PBX1: variants seen among roughly 807,000 people sequenced by gnomAD.
PBX1 encodes the protein pre-B-cell leukemia transcription factor 1.
Under a neutral mutation model 53.4 loss-of-function variants are expected in PBX1, and 6 were observed. That is an observed-to-expected ratio of 0.11 (90% confidence interval 0.06 to 0.22). PBX1 has a LOEUF of 0.22. PBX1 is among the 10% of genes least tolerant of loss of function. PBX1 has a pLI of 1.00. For synonymous variants in PBX1, 204 were observed against 212.3 expected, an observed-to-expected ratio of 0.96 and a Z score of 0.34; for missense variants, 251 against 551.4, an observed-to-expected ratio of 0.46 and a Z score of 5.46.
chr1:164,811,621 A>G (rs1669616654), intron 5 of PBX1, among the ~76,000 whole-genome samples: 1 of 152,246 alleles, frequency 6.6e-6, no homozygotes, highest in South Asian at 2.1e-4. Flanking sequence ...TTTCACATTG[A>G]TAAACGCTAG....
intron 2 of PBX1, chr1:164,626,093 A>T: frequency 9.7e-7 from 1 of 1,029,290 alleles, no homozygotes; most frequent in Non-Finnish European, 1.2e-6. Flanking sequence ...GGGAGAAGGC[A>T]AAGGTGAGTG....
At chr1:164,677,917 A>G (rs1346250045) in intron 2 of PBX1, among the ~76,000 whole-genome samples, 5 of 152,298 alleles carry the variant, frequency 3.3e-5, no homozygotes, top group Non-Finnish European at 7.3e-5. Context: ...AATTTTAAGT[A>G]GGTAATTCAC....
intron 2 of PBX1, among the ~76,000 whole-genome samples, chr1:164,569,563 C>CTTTTTTT (rs1653680438): frequency 9.4e-6 from 1 of 106,534 alleles, no homozygotes; most frequent in African/African-American, 3.6e-5. Flanking sequence ...TTTTTCCTTG[C>CTTTTTTT]ATTTTTTTTT....
intron 8 of PBX1, among the ~76,000 whole-genome samples, chr1:164,845,799 A>G (rs1671543722): frequency 1.3e-5 from 2 of 152,164 alleles, no homozygotes; most frequent in African/African-American, 4.8e-5. Flanking sequence ...ATATATTCAC[A>G]CAGACTAGTC....
intron 2 of PBX1, among the ~76,000 whole-genome samples, chr1:164,624,135 C>T (rs1209815287): frequency 6.6e-6 from 1 of 152,186 alleles, no homozygotes; most frequent in Non-Finnish European, 1.5e-5. Context: ...GAATTATTTA[C>T]TGATGTTTTT....
chr1:164,803,915 G>A (rs1309263447), intron 4 of PBX1, among the ~76,000 whole-genome samples: 1 of 152,102 alleles, frequency 6.6e-6, no homozygotes, highest in Non-Finnish European at 1.5e-5. Flanking sequence ...GTAAAACAGG[G>A]ATAATCCTGT....
intron 2 of PBX1, among the ~76,000 whole-genome samples, chr1:164,791,949 C>A (rs1332109432): frequency 6.6e-6 from 1 of 151,980 alleles, no homozygotes. Context: ...CTCAGCCTCC[C>A]GAGTAGCTGG....
intron 2 of PBX1, among the ~76,000 whole-genome samples, chr1:164,687,483 A>T (rs1662176342): frequency 6.9e-6 from 1 of 145,352 alleles, no homozygotes; most frequent in South Asian, 2.2e-4. Flanking sequence ...GATCCACCTG[A>T]GCCCTTGGGG....
chr1:164,706,677 T>C (rs1663443758), intron 2 of PBX1, among the ~76,000 whole-genome samples: 1 of 152,130 alleles, frequency 6.6e-6, no homozygotes, highest in South Asian at 2.1e-4. Flanking sequence ...CCTTGGTGCT[T>C]TACAAGGTTA....
At chr1:164,665,663 G>T (rs549327937) in intron 2 of PBX1, among the ~76,000 whole-genome samples, 1 of 152,272 alleles carries the variant, frequency 6.6e-6, no homozygotes, top group South Asian at 2.1e-4. Flanking sequence ...GCCTGTGTTT[G>T]TAGCACCCAG....
chr1:164,636,033 T>C (rs901593068), intron 2 of PBX1, among the ~76,000 whole-genome samples: 1 of 152,134 alleles, frequency 6.6e-6, no homozygotes, highest in Admixed American at 6.5e-5. Context: ...ACAATGGGCG[T>C]TGCAAGCTCC....
At chr1:164,568,570 G>A (rs1163016457) in intron 2 of PBX1, among the ~76,000 whole-genome samples, 1 of 152,184 alleles carries the variant, frequency 6.6e-6, no homozygotes, top group African/African-American at 2.4e-5. Flanking sequence ...TTCATGAGTT[G>A]TTTGTGAAGT....
At chr1:164,758,314 C>T (rs972190432) in intron 2 of PBX1, among the ~76,000 whole-genome samples, 4 of 152,122 alleles carry the variant, frequency 2.6e-5, no homozygotes, top group Admixed American at 2.6e-4. Flanking sequence ...TATATCAGTG[C>T]ATGGTGTCAT....
At chr1:164,843,922 A>G (rs1671427858) in intron 8 of PBX1, among the ~76,000 whole-genome samples, 1 of 152,038 alleles carries the variant, frequency 6.6e-6, no homozygotes, top group Non-Finnish European at 1.5e-5. Flanking sequence ...TTTTTGCACC[A>G]CTTATTGTTA....
At chr1:164,676,641 G>A (rs1451878543) in intron 2 of PBX1, among the ~76,000 whole-genome samples, 5 of 152,208 alleles carry the variant, frequency 3.3e-5, no homozygotes, top group Non-Finnish European at 7.3e-5. Flanking sequence ...GAGAGCCTCT[G>A]GAGTGCCATT....
chr1:164,769,515 C>T (rs1015967997), intron 2 of PBX1, among the ~76,000 whole-genome samples: 2 of 152,072 alleles, frequency 1.3e-5, no homozygotes, highest in Non-Finnish European at 2.9e-5. Context: ...TAAATGGGCC[C>T]GGTAGAACCA....
chr1:164,853,609 G>A (rs1671907937), downstream of PBX1, among the ~76,000 whole-genome samples: 1 of 152,080 alleles, frequency 6.6e-6, no homozygotes, highest in Admixed American at 6.6e-5. Flanking sequence ...TGAGAGAAAC[G>A]ACCCCTTTTT....
At chr1:164,830,064 G>A (rs1296304996) in intron 8 of PBX1, 1 of 152,120 alleles carries the variant, frequency 6.6e-6, no homozygotes, top group African/African-American at 2.4e-5. Context: ...TACCATGTTG[G>A]CTAGTGAAGT....
At chr1:164,800,250 A>C (rs1261928590) in intron 4 of PBX1, among the ~76,000 whole-genome samples, 1 of 152,164 alleles carries the variant, frequency 6.6e-6, no homozygotes, top group Non-Finnish European at 1.5e-5. Flanking sequence ...GGCTCTCTTC[A>C]ATAAAGTTTA....
Sources: allele counts gnomAD v4.1 joint callset (sites outside exome capture counted in the v4.1 genomes callset), GRCh38; gene constraint gnomAD v4.1.1; transcripts MANE v1.5; gene names NCBI Gene and HGNC (gene_info 2026-07-23, HGNC 2026-07-21).